Variants in IL9R observed in about 807,000 individuals in gnomAD.
The protein encoded by IL9R is interleukin 9 receptor, also known as interleukin-9 receptor.
In IL9R, 54 loss-of-function variants were observed where a neutral mutation model predicts 56.3. The observed-to-expected ratio is 0.96, with a 90% confidence interval of 0.77 to 1.20. The LOEUF is 1.20. IL9R is among the 50% of genes most tolerant of loss of function. The probability of loss-of-function intolerance (pLI) is 0.00; values close to 1 mark genes in which losing one functional copy is unlikely to be tolerated. For missense variants in IL9R, 545 were observed against 629.8 expected, an observed-to-expected ratio of 0.87 and a Z score of 1.44; for synonymous variants, 212 against 250.2, an observed-to-expected ratio of 0.85 and a Z score of 1.44.
At chrX:155,998,285 CTG>C (rs1263008909) in intron 1 of IL9R, among the ~76,000 whole-genome samples, 1 of 151,900 alleles carries the variant, frequency 6.6e-6, no homozygotes, top group African/African-American at 2.4e-5. Flanking sequence ...CCCACTGGAG[CTG>C]TGTGTGGGGC....
rs3093460 is a variant in IL9R at position 155,998,457 on chromosome X, C to T, written c.28+670C>T. On this transcript the variant is annotated intron_variant, in intron 1 of 8. Coordinates refer to ENST00000244174, the MANE Select transcript of IL9R (RefSeq NM_002186.3). ...GGAGGATGTGGGCCCTGCTTGGATCCTCCTCTCCCCTCCCTGCCCCCATTT... is the reference window on the plus strand; with the variant it reads ...GGAGGATGTGGGCCCTGCTTGGATCTTCCTCTCCCCTCCCTGCCCCCATTT... Among the ~76,000 whole-genome samples the T allele has an allele frequency of 4.9e-3, 750 of 152,128 alleles. 10 individuals carry two copies. Among genetic ancestry groups the T allele is most frequent in the African/African-American group, 0.015 (631 of 41,494 alleles).
chrX:156,005,565 A>C (rs1603163483), intron 6 of IL9R, 86 bp downstream of exon 6: 8 of 1,145,454 alleles, frequency 7.0e-6, no homozygotes, highest in South Asian at 2.6e-5. Flanking sequence ...GCACCCTTTC[A>C]CCCTCCTGTA....
chrX:156,003,611 C>G (rs370421646), intron 3 of IL9R, 51 bp downstream of exon 3: 9 of 1,610,496 alleles, frequency 5.6e-6, no homozygotes, highest in Non-Finnish European at 7.6e-6. Flanking sequence ...GTGAGTTCCC[C>G]AGGATTGAAG....
chrX:156,003,765 T>C lies in IL9R; in HGVS notation c.343T>C (p.Ser115Pro). Reference sequence around the variant, plus strand: ...GCCACCTGAGGCAGTGCTCGTGCCATCTGACAATTTCACCATCACTTTCCA... The same window carrying C: ...GCCACCTGAGGCAGTGCTCGTGCCACCTGACAATTTCACCATCACTTTCCA... Reference protein sequence around the residue: ...VLPPEAVLVPSDNFTITFHHC... With the variant: ...VLPPEAVLVPPDNFTITFHHC... Residue 115 changes from serine (S) to proline (P), a missense_variant, in exon 4 of 9, where the codon TCT (serine) becomes CCT (proline). Ser to Pro is a moderately conservative substitution (Grantham distance 74). Around this residue, in one of 2 missense-constraint regions of IL9R, gnomAD observed 431 missense variants for 360.0 expected, o/e 1.20. Transcript: ENST00000244174. 6.2e-7 allele frequency: 1 copy of C among 1,613,986 alleles called. No homozygotes were observed.
intron 7 of IL9R, 95 bp from the exon 8 acceptor site, chrX:156,007,428 C>T (rs757818375): frequency 6.4e-5 from 53 of 831,734 alleles, no homozygotes; most frequent in African/African-American, 1.5e-4. Context: ...ACGAGGTGGG[C>T]GGACCTCCTG....
chrX:156,005,681 C>T (rs775310142), intron 6 of IL9R, among the ~76,000 whole-genome samples: 1 of 152,110 alleles, frequency 6.6e-6, no homozygotes, highest in South Asian at 2.1e-4. Flanking sequence ...TTCCTGGGAA[C>T]CTGTAGTTAG....
intron 8 of IL9R, among the ~76,000 whole-genome samples, chrX:156,009,385 TTGTG>T (rs746512161): frequency 5.6e-4 from 78 of 139,438 alleles, no homozygotes; most frequent in Non-Finnish European, 1.0e-3. Flanking sequence ...CTGTGTGTGT[TTGTG>T]TGTGTGTGTG....
intron 1 of IL9R, among the ~76,000 whole-genome samples, chrX:155,998,388 T>C (rs1225226991): frequency 1.3e-5 from 2 of 151,854 alleles, no homozygotes; most frequent in Non-Finnish European, 2.9e-5. Flanking sequence ...AACATCACCC[T>C]CTCAGTTTCC....
intron 8 of IL9R, among the ~76,000 whole-genome samples, chrX:156,008,648 C>T (rs903210747): frequency 3.3e-5 from 5 of 152,194 alleles, no homozygotes; most frequent in East Asian, 1.9e-4. Flanking sequence ...TTTAGACCTG[C>T]GGGTGAGGAT....
chrX:156,010,117 A>G lies in IL9R; in HGVS notation c.1274A>G (p.Asp425Gly). The G allele has an allele frequency of 1.9e-6, 3 of 1,584,064 alleles. No individual in the cohort carries two copies. Among genetic ancestry groups the G allele is most frequent in the Non-Finnish European group, 2.5e-6 (3 of 1,177,104 alleles). Residue 425 changes from aspartate (D) to glycine (G), a missense_variant, in exon 9 of 9, where the codon GAC becomes GGC. Asp to Gly is a moderately conservative substitution (Grantham distance 94). Transcript: ENST00000244174. Reference protein sequence around the residue: ...PTSLTRPAPPDSEGSRSSSSS... With the variant: ...PTSLTRPAPPGSEGSRSSSSS... ...TCCCTGACTAGGCCGGCTCCCCCAG[A>G]CTCAGAGGGCAGCAGGAGCAGCAGC...
chrX:156,003,218 G>T (rs2067663060), intron 2 of IL9R, among the ~76,000 whole-genome samples, 199 bp downstream of exon 2: 1 of 152,032 alleles, frequency 6.6e-6, no homozygotes, highest in Non-Finnish European at 1.5e-5. Context: ...TGGACCGACT[G>T]TAGTCTCCCT....
intron 8 of IL9R, among the ~76,000 whole-genome samples, chrX:156,008,575 G>A (rs1426259972): frequency 6.6e-6 from 1 of 152,212 alleles, no homozygotes; most frequent in Non-Finnish European, 1.5e-5. Flanking sequence ...CTGTCCCCTG[G>A]ACTGTCATCC....
chrX:156,006,026 G>A, intron 6 of IL9R, 57 bp from the exon 7 acceptor site: 1 of 759,814 alleles, frequency 1.3e-6, no homozygotes, highest in Non-Finnish European at 2.1e-6. Context: ...AGGTGGGTTT[G>A]GGGGGAGCCT....
intron 1 of IL9R, among the ~76,000 whole-genome samples, chrX:155,999,966 A>AAAT (rs2067400959): frequency 6.6e-6 from 1 of 151,906 alleles, no homozygotes. Flanking sequence ...TGTCTACTAA[A>AAAT]AATACAAAAA....
chrX:156,005,585 C>A lies in IL9R; in HGVS notation c.781+106C>A. The A allele has an allele frequency of 6.4e-6, 6 of 936,914 alleles. No homozygotes were observed. In the South Asian group the frequency reaches 7.3e-5, roughly 11 times the overall value. 58.0% of individuals were successfully genotyped at this position (936,914 alleles called of 1,614,324 possible). A position where few individuals can be genotyped will look rare whatever the true frequency, so the allele number is the denominator to read the frequency against. ...CTTTCACCCTCCTGTAAGCCCCTCC[C>A]CGAGGCAGCCATGCCTCAGTTGACC... On this transcript the variant is annotated intron_variant, in intron 6 of 8. Coordinates refer to ENST00000244174, the MANE Select transcript of IL9R (RefSeq NM_002186.3).
chrX:155,998,332 A>G (rs1020761497), intron 1 of IL9R, among the ~76,000 whole-genome samples: 2 of 151,840 alleles, frequency 1.3e-5, no homozygotes, highest in African/African-American at 4.8e-5. Context: ...GGGAGGGTCA[A>G]CCCAGCCAAG....
intron 1 of IL9R, among the ~76,000 whole-genome samples, chrX:155,999,519 A>C (rs1474922943): frequency 6.6e-6 from 1 of 151,820 alleles, no homozygotes; most frequent in African/African-American, 2.4e-5. Context: ...CCTCCTGCCC[A>C]TCCCTACCCC....
chrX:156,005,801 G>C (rs964596233), intron 6 of IL9R, among the ~76,000 whole-genome samples: 1 of 152,070 alleles, frequency 6.6e-6, no homozygotes. Context: ...TGACCCTTGC[G>C]CACTGCAGTG....
At position 156,003,507 on chromosome X, in the gene IL9R, C is replaced by G. The variant is rs1162199746; in HGVS notation, c.201C>G (p.His67Gln). The G allele has an allele frequency of 4.3e-6, 7 of 1,612,552 alleles. No individual in the cohort carries two copies. Among genetic ancestry groups the G allele is most frequent in the Non-Finnish European group, 5.9e-6 (7 of 1,179,840 alleles). ...ACAACATTCTCAGGATCGATTGCCA[C>G]TGGTCTGCCCCAGAGCTGGGACAGG... ...LTNNILRIDC[H>Q]WSAPELGQGS... is the part of the protein sequence containing the mutation. The change falls in exon 3 of 9, where the codon CAC becomes CAG. Residue 67 changes from histidine to glutamine, a missense_variant. By Grantham distance (24) the His-to-Gln change is conservative. This residue lies in a region of IL9R where 431 missense variants were observed against 360.0 expected (regional missense o/e 1.20). Coordinates refer to ENST00000244174, the MANE Select transcript of IL9R (RefSeq NM_002186.3).
Sources: allele counts gnomAD v4.1 joint callset (sites outside exome capture counted in the v4.1 genomes callset), GRCh38; gene constraint gnomAD v4.1.1; regional missense constraint gnomAD v4.1.1; transcripts MANE v1.5; gene names NCBI Gene and HGNC (gene_info 2026-07-23, HGNC 2026-07-21).